The following ARFGEF3 variants were observed in gnomAD, a reference collection of about 807,000 sequenced individuals.
ARFGEF3 encodes the protein ARFGEF family member 3.
Under a neutral mutation model 221.7 loss-of-function variants are expected in ARFGEF3, and 96 were observed. The observed-to-expected ratio is 0.43, with a 90% confidence interval of 0.37 to 0.51. The LOEUF is 0.51. Ranked by LOEUF, ARFGEF3 falls within the 20% of genes least tolerant of loss-of-function variation. The pLI is 0.00. For synonymous variants in ARFGEF3, 1,145 were observed against 1,126.8 expected, an observed-to-expected ratio of 1.02 and a Z score of -0.32; for missense variants, 2,410 against 2,789.9, an observed-to-expected ratio of 0.86 and a Z score of 3.07.
intron 17 of ARFGEF3, 134 bp downstream of exon 17, chr6:138,287,318 C>T (rs534531222): frequency 5.1e-4 from 338 of 656,948 alleles, no homozygotes; most frequent in African/African-American, 4.9e-3. Flanking sequence ...CCACTGATCA[C>T]GAGATCCCAT....
intron 2 of ARFGEF3, among the ~76,000 whole-genome samples, chr6:138,204,339 CAAAAAAAAAA>C (rs11336345): frequency 4.1e-4 from 25 of 60,426 alleles, no homozygotes; most frequent in African/African-American, 9.9e-4. Flanking sequence ...ACTCCATCTC[CAAAAAAAAAA>C]AAAAAAAAAA....
intron 2 of ARFGEF3, among the ~76,000 whole-genome samples, chr6:138,189,259 C>T (rs1263390879): frequency 6.6e-6 from 1 of 152,088 alleles, no homozygotes; most frequent in East Asian, 1.9e-4. Context: ...AATGTCAGGG[C>T]GTGAACTGAG....
At chr6:138,274,897 C>T (rs867074379) in intron 12 of ARFGEF3, among the ~76,000 whole-genome samples, 11 of 151,258 alleles carry the variant, frequency 7.3e-5, no homozygotes, top group East Asian at 2.0e-4. Flanking sequence ...CACCTGAGGT[C>T]GGGAATTCTA....
chr6:138,203,446 G>A (rs1777572183), intron 2 of ARFGEF3, among the ~76,000 whole-genome samples: 1 of 152,122 alleles, frequency 6.6e-6, no homozygotes, highest in Non-Finnish European at 1.5e-5. Flanking sequence ...TTCTTTCTTT[G>A]TCCCATGAAT....
At chr6:138,320,566 TG>T (rs1214701869) in intron 28 of ARFGEF3, among the ~76,000 whole-genome samples, 1 of 152,146 alleles carries the variant, frequency 6.6e-6, no homozygotes, top group Non-Finnish European at 1.5e-5. Context: ...TGGCATATCA[TG>T]GTGTAAGGGA....
intron 12 of ARFGEF3, among the ~76,000 whole-genome samples, chr6:138,276,851 A>G (rs906100821): frequency 3.3e-5 from 5 of 152,092 alleles, no homozygotes; most frequent in African/African-American, 4.8e-5. Flanking sequence ...TTTTTAGTAG[A>G]GATGGGGTTT....
At chr6:138,198,954 C>T (rs2114480907) in intron 2 of ARFGEF3, among the ~76,000 whole-genome samples, 1 of 152,334 alleles carries the variant, frequency 6.6e-6, no homozygotes, top group South Asian at 2.1e-4. Context: ...AACAAATTGG[C>T]CTAGCCTAGG....
intron 20 of ARFGEF3, 52 bp downstream of exon 20, chr6:138,294,178 C>T: frequency 6.3e-7 from 1 of 1,584,318 alleles, no homozygotes; most frequent in East Asian, 2.2e-5. Context: ...AGGAAACAGC[C>T]CAGGCCTCTA....
At chr6:138,317,453 G>A (rs1779946668) in intron 27 of ARFGEF3, 74 bp downstream of exon 27, 7 of 1,561,842 alleles carry the variant, frequency 4.5e-6, no homozygotes, top group Non-Finnish European at 6.1e-6. Context: ...ATTTCTGCAG[G>A]TGTCTGCCTG....
intron 12 of ARFGEF3, among the ~76,000 whole-genome samples, chr6:138,272,982 A>G (rs182965409): frequency 4.6e-4 from 70 of 152,386 alleles, no homozygotes; most frequent in African/African-American, 1.7e-3. Context: ...CATTAAGATC[A>G]AATAAATCAA....
intron 24 of ARFGEF3, among the ~76,000 whole-genome samples, chr6:138,311,046 A>G (rs1269693375): frequency 1.3e-5 from 2 of 152,212 alleles, no homozygotes; most frequent in Non-Finnish European, 2.9e-5. Context: ...GGTCCCAGAA[A>G]TGTCATTTAC....
At chr6:138,178,268 A>T (rs760978299) in intron 2 of ARFGEF3, among the ~76,000 whole-genome samples, 15 of 152,156 alleles carry the variant, frequency 9.9e-5, no homozygotes, top group Non-Finnish European at 1.9e-4. Flanking sequence ...TTCCTTCCAC[A>T]TGCCAAAGCC....
intron 2 of ARFGEF3, among the ~76,000 whole-genome samples, chr6:138,201,366 A>G (rs778712350): frequency 3.9e-5 from 6 of 152,248 alleles, no homozygotes; most frequent in Non-Finnish European, 7.3e-5. Context: ...AGATACTTGC[A>G]CACACATGTT....
At chr6:138,179,627 A>G (rs928757152) in intron 2 of ARFGEF3, among the ~76,000 whole-genome samples, 5 of 152,162 alleles carry the variant, frequency 3.3e-5, no homozygotes, top group Admixed American at 3.3e-4. Context: ...CTGATTTTTC[A>G]TGCAGGGTGT....
chr6:138,276,368 A>G (rs1779095933), intron 12 of ARFGEF3, among the ~76,000 whole-genome samples: 1 of 152,244 alleles, frequency 6.6e-6, no homozygotes, highest in African/African-American at 2.4e-5. Context: ...AGTTTGAGCC[A>G]TGATACCAAC....
chr6:138,322,171 A>G (rs1386300199), intron 29 of ARFGEF3, among the ~76,000 whole-genome samples: 1 of 152,196 alleles, frequency 6.6e-6, no homozygotes, highest in African/African-American at 2.4e-5. Context: ...AAAAAGGCCA[A>G]GTAAGAGGGT....
chr6:138,310,619 C>A (rs1779809357), intron 24 of ARFGEF3, among the ~76,000 whole-genome samples: 1 of 152,152 alleles, frequency 6.6e-6, no homozygotes, highest in African/African-American at 2.4e-5. Flanking sequence ...GTAATTAGGT[C>A]TGTTTACTCA....
intron 22 of ARFGEF3, among the ~76,000 whole-genome samples, chr6:138,303,475 G>A (rs573309657): frequency 3.3e-5 from 5 of 152,222 alleles, no homozygotes; most frequent in South Asian, 2.1e-4. Context: ...TCAAAACCAC[G>A]TGAGATACTA....
chr6:138,195,585 C>G (rs1310290301), intron 2 of ARFGEF3, among the ~76,000 whole-genome samples: 1 of 152,096 alleles, frequency 6.6e-6, no homozygotes, highest in African/African-American at 2.4e-5. Flanking sequence ...CTTTAGAATA[C>G]TTTTAGTGAT....
Sources: gnomAD v4.1 joint callset for allele counts (sites outside exome capture counted in the v4.1 genomes callset) on GRCh38, gnomAD v4.1.1 for gene constraint, MANE v1.5 for transcripts, NCBI Gene and HGNC (gene_info 2026-07-23, HGNC 2026-07-21) for gene names.